Variants in NKAIN3 observed in about 807,000 individuals in gnomAD.
NKAIN3 encodes sodium/potassium transporting ATPase interacting 3, also known as sodium/potassium-transporting ATPase subunit beta-1-interacting protein 3.
In NKAIN3, 25 loss-of-function variants were observed where a neutral mutation model predicts 30.2. That is an observed-to-expected ratio of 0.83 (90% CI 0.60 to 1.16). The LOEUF is 1.16. Ranked by LOEUF, NKAIN3 falls within the 50% of genes most tolerant of loss-of-function variation. The pLI, the probability that NKAIN3 is intolerant of heterozygous loss-of-function variation, is 0.00. For synonymous variants in NKAIN3, 91 were observed against 89.6 expected, an observed-to-expected ratio of 1.02 and a Z score of -0.09; for missense variants, 225 against 254.1, an observed-to-expected ratio of 0.89 and a Z score of 0.78.
chr8:62,326,525 A>G (rs1437294788), intron 1 of NKAIN3, among the ~76,000 whole-genome samples: 1 of 151,744 alleles, frequency 6.6e-6, no homozygotes, highest in Non-Finnish European at 1.5e-5. Context: ...ATTCTTCTAC[A>G]TGTGCAAAGC....
At chr8:62,922,691 C>T (rs1462729077) in intron 5 of NKAIN3, among the ~76,000 whole-genome samples, 1 of 151,544 alleles carries the variant, frequency 6.6e-6, no homozygotes, top group Non-Finnish European at 1.5e-5. Flanking sequence ...TCAAAGGAGC[C>T]ACCACATTTG....
chr8:62,298,351 A>G (rs1813915024), intron 1 of NKAIN3, among the ~76,000 whole-genome samples: 1 of 152,052 alleles, frequency 6.6e-6, no homozygotes, highest in Admixed American at 6.6e-5. Context: ...AGGATCTTTC[A>G]AAGAATACCT....
chr8:62,451,726 G>A (rs546876199), intron 1 of NKAIN3, among the ~76,000 whole-genome samples: 1 of 152,152 alleles, frequency 6.6e-6, no homozygotes, highest in East Asian at 1.9e-4. Flanking sequence ...GAGTTTTCTT[G>A]ATTTGCATAC....
intron 4 of NKAIN3, among the ~76,000 whole-genome samples, chr8:62,780,760 A>C (rs1457060244): frequency 6.6e-6 from 1 of 152,034 alleles, no homozygotes; most frequent in Non-Finnish European, 1.5e-5. Flanking sequence ...AAAACTCTCA[A>C]CTAAAAGTTA....
intron 3 of NKAIN3, among the ~76,000 whole-genome samples, chr8:62,715,330 G>A (rs1265319762): frequency 6.6e-6 from 1 of 152,156 alleles, no homozygotes; most frequent in Non-Finnish European, 1.5e-5. Context: ...GTTGACTAAT[G>A]TGATAATGTC....
chr8:62,938,978 T>C (rs75900940), intron 5 of NKAIN3, among the ~76,000 whole-genome samples: 10,071 of 152,008 alleles, frequency 0.066, 578 homozygotes, highest in East Asian at 0.27. Context: ...AGAGGTGAAG[T>C]CCAACTTAAA....
At chr8:62,558,233 T>A (rs1441758524) in intron 1 of NKAIN3, among the ~76,000 whole-genome samples, 4 of 152,150 alleles carry the variant, frequency 2.6e-5, no homozygotes, top group Non-Finnish European at 5.9e-5. Context: ...TTTGGGTTTG[T>A]TTCTGGGTTC....
intron 3 of NKAIN3, among the ~76,000 whole-genome samples, chr8:62,666,640 C>G (rs1813112138): frequency 6.6e-6 from 1 of 152,062 alleles, no homozygotes; most frequent in Non-Finnish European, 1.5e-5. Context: ...ACCTTGAAGC[C>G]TCAGGTAACG....
chr8:62,899,761 C>G (rs1821544298), intron 4 of NKAIN3, among the ~76,000 whole-genome samples: 1 of 151,918 alleles, frequency 6.6e-6, no homozygotes, highest in South Asian at 2.1e-4. Flanking sequence ...GTTTGTAACA[C>G]AAAGGATAAA....
At chr8:62,868,914 G>T (rs1017326428) in intron 4 of NKAIN3, among the ~76,000 whole-genome samples, 1 of 151,918 alleles carries the variant, frequency 6.6e-6, no homozygotes, top group Non-Finnish European at 1.5e-5. Flanking sequence ...TCTCACTGTT[G>T]CTCACAGCAG....
chr8:62,420,523 C>CT (rs1198038475), intron 1 of NKAIN3, among the ~76,000 whole-genome samples: 1 of 152,046 alleles, frequency 6.6e-6, no homozygotes, highest in African/African-American at 2.4e-5. Context: ...GGAGCCATGG[C>CT]TGTAAGCATA....
chr8:62,615,757 C>G (rs1811433551), intron 3 of NKAIN3, among the ~76,000 whole-genome samples: 1 of 152,150 alleles, frequency 6.6e-6, no homozygotes, highest in South Asian at 2.1e-4. Flanking sequence ...AACAAGACAG[C>G]ACTGAGTTCA....
At chr8:62,924,029 A>G (rs1433199726) in intron 5 of NKAIN3, among the ~76,000 whole-genome samples, 3 of 152,220 alleles carry the variant, frequency 2.0e-5, no homozygotes. Flanking sequence ...AGTAGAGCCT[A>G]AAAGATTGCC....
intron 5 of NKAIN3, among the ~76,000 whole-genome samples, chr8:62,992,909 A>G (rs946226540): frequency 1.3e-5 from 2 of 152,218 alleles, no homozygotes; most frequent in South Asian, 2.1e-4. Context: ...GCCAGTCCAA[A>G]AGGAAAACTA....
chr8:62,518,544 C>T (rs1434047897), intron 1 of NKAIN3, among the ~76,000 whole-genome samples: 1 of 151,950 alleles, frequency 6.6e-6, no homozygotes, highest in East Asian at 1.9e-4. Context: ...TTCCGTGGTC[C>T]CCATCACTTA....
At chr8:62,555,081 T>G (rs1172310291) in intron 1 of NKAIN3, among the ~76,000 whole-genome samples, 2 of 151,486 alleles carry the variant, frequency 1.3e-5, no homozygotes, top group African/African-American at 4.9e-5. Context: ...AGAAGATGGA[T>G]ATGTCATTTT....
rs1343862193 is a variant in NKAIN3, at chr8:62,729,036, AAAAC to A, written c.274-17892_274-17889del. On this transcript the variant is annotated intron_variant, in intron 3 of 6. Transcript: ENST00000623646. ...AAAACAAACAAACCAAAAAAAAAAA[AAAAC>A]AAAAAAAAAAAACCTCCTGCTCTGC... Among the ~76,000 whole-genome samples the A allele has an allele frequency of 4.4e-4, 46 of 104,862 alleles. 3 individuals are homozygous for A. The highest frequency in any genetic ancestry group is 5.1e-4 in the Non-Finnish European group (27 of 53,414). The allele number at this position is 104,862 out of a possible 152,430, so 68.8% of individuals were successfully genotyped here. A position where few individuals can be genotyped will look rare whatever the true frequency, so the allele number is the denominator to read the frequency against.
chr8:62,850,340 A>G (rs1049291486), intron 4 of NKAIN3, among the ~76,000 whole-genome samples: 1 of 152,052 alleles, frequency 6.6e-6, no homozygotes, highest in Non-Finnish European at 1.5e-5. Flanking sequence ...AGTTCATTGT[A>G]GATTCTGCAT....
intron 1 of NKAIN3, among the ~76,000 whole-genome samples, chr8:62,556,955 C>T (rs1413870198): frequency 2.6e-5 from 4 of 151,468 alleles, no homozygotes; most frequent in Admixed American, 6.6e-5. Context: ...TTTTTTATTT[C>T]GGTAGGTTAT....
Sources: allele counts gnomAD v4.1 joint callset (sites outside exome capture counted in the v4.1 genomes callset), GRCh38; gene constraint gnomAD v4.1.1; transcripts MANE v1.5; gene names NCBI Gene and HGNC (gene_info 2026-07-23, HGNC 2026-07-21).